Variants in PRKACB observed in about 807,000 individuals in gnomAD.
The protein encoded by PRKACB is protein kinase cAMP-activated catalytic subunit beta, also known as cAMP-dependent protein kinase catalytic subunit beta.
A neutral mutation model predicts 51.4 loss-of-function variants in PRKACB; 16 were observed. The observed-to-expected ratio is 0.31, with a 90% CI of 0.21 to 0.47. The LOEUF is 0.47. Ranked by LOEUF, PRKACB falls within the 20% of genes least tolerant of loss-of-function variation. The probability of loss-of-function intolerance (pLI) is 1.00; values close to 1 mark genes in which losing one functional copy is unlikely to be tolerated. For synonymous variants in PRKACB, 147 were observed against 154.4 expected (o/e 0.95, Z 0.35); for missense variants, 309 against 464.5 (o/e 0.67, Z 3.08).
chr1:84,118,254 C>G (rs1650789788), intron 1 of PRKACB, among the ~76,000 whole-genome samples: 1 of 152,064 alleles, frequency 6.6e-6, no homozygotes, highest in Non-Finnish European at 1.5e-5. Flanking sequence ...TCAAATGTTC[C>G]CTGTGTGTTC....
intron 1 of PRKACB, among the ~76,000 whole-genome samples, chr1:84,098,674 T>C (rs1164921359): frequency 1.3e-5 from 2 of 152,024 alleles, no homozygotes; most frequent in African/African-American, 2.4e-5. Flanking sequence ...GAACTTCAAA[T>C]CATAAAAAGT....
chr1:84,190,458 A>G (rs1467936501), intron 5 of PRKACB, among the ~76,000 whole-genome samples: 1 of 151,390 alleles, frequency 6.6e-6, no homozygotes, highest in East Asian at 2.0e-4. Context: ...AGCCAATTTT[A>G]TAGCCTGTTA....
chr1:84,113,264 G>A (rs1650376538), intron 1 of PRKACB, among the ~76,000 whole-genome samples: 1 of 152,128 alleles, frequency 6.6e-6, no homozygotes, highest in Admixed American at 6.6e-5. Context: ...GGTTGTATCA[G>A]TTAAAATGAA....
intron 8 of PRKACB, among the ~76,000 whole-genome samples, chr1:84,206,357 C>T (rs1358478097): frequency 6.6e-6 from 1 of 152,044 alleles, no homozygotes; most frequent in East Asian, 1.9e-4. Context: ...ATTGCTATTC[C>T]TTTCTGTCTC....
At chr1:84,094,426 A>G (rs909211420) in intron 1 of PRKACB, among the ~76,000 whole-genome samples, 1 of 151,906 alleles carries the variant, frequency 6.6e-6, no homozygotes. Context: ...GTAATAGTGA[A>G]TTTGGTTTGC....
At chr1:84,199,597 G>A (rs1347270756) in intron 7 of PRKACB, among the ~76,000 whole-genome samples, 1 of 152,108 alleles carries the variant, frequency 6.6e-6, no homozygotes, top group Non-Finnish European at 1.5e-5. Context: ...TTTGTGAATA[G>A]TGCCACAATG....
Position 84,131,217 on chromosome 1 carries a change from C to T in PRKACB, c.47-47960C>T, listed in dbSNP as rs1049474746. Among the ~76,000 whole-genome samples the T allele has an allele frequency of 8.6e-5, 13 of 151,896 alleles. No individual in the cohort carries two copies. In the South Asian group the frequency reaches 1.3e-3, roughly 15 times the overall value. On this transcript the variant is annotated intron_variant, in intron 1 of 8. Transcript: ENST00000370688. ...TACTAAAAATACAAAATTAGGTAGT[C>T]GTGGTGGCGCGTGCCTGAAATCCCA...
chr1:84,234,652 A>G (rs1334830549), intron 9 of PRKACB, among the ~76,000 whole-genome samples: 1 of 152,218 alleles, frequency 6.6e-6, no homozygotes, highest in Non-Finnish European at 1.5e-5. Flanking sequence ...AAAGCGCAGT[A>G]TTCGGGTGGG....
chr1:84,090,369 T>G (rs1648362201), intron 1 of PRKACB, among the ~76,000 whole-genome samples: 1 of 152,204 alleles, frequency 6.6e-6, no homozygotes, highest in Non-Finnish European at 1.5e-5. Context: ...TCTGTTATAT[T>G]TATCTATTGT....
chr1:84,221,110 A>G lies in PRKACB; in HGVS notation c.1071+6793A>G, dbSNP rs577528365. 5.4e-4 allele frequency among the ~76,000 whole-genome samples: 82 copies of G among 152,116 alleles called. 1 individual carries two copies. The South Asian group carries it at 0.017, about 31-fold the overall frequency. The stretch of plus-strand genomic sequence containing the variant: ...TGTTTGATGGGAATCTTTTTATTAC[A>G]TATTCAATCTGTTCCCCATTATTGG... On this transcript the variant is annotated intron_variant, in intron 9 of 9. Coordinates refer to ENST00000370685, the MANE Select transcript of PRKACB (RefSeq NM_182948.4).
intron 1 of PRKACB, among the ~76,000 whole-genome samples, chr1:84,131,517 ACT>A: frequency 6.6e-6 from 1 of 151,932 alleles, no homozygotes; most frequent in East Asian, 1.9e-4. Context: ...GAGAGAAGAG[ACT>A]CCATTTTCAG....
chr1:84,223,914 A>G (rs1167730781), intron 9 of PRKACB, among the ~76,000 whole-genome samples: 1 of 152,132 alleles, frequency 6.6e-6, no homozygotes, highest in African/African-American at 2.4e-5. Flanking sequence ...TTGTATACTT[A>G]CATTGACATC....
chr1:84,194,179 A>G (rs763559493), intron 5 of PRKACB, among the ~76,000 whole-genome samples: 1 of 152,164 alleles, frequency 6.6e-6, no homozygotes, highest in Non-Finnish European at 1.5e-5. Flanking sequence ...AGTTTACACT[A>G]AAGTACCACA....
intron 8 of PRKACB, among the ~76,000 whole-genome samples, chr1:84,213,746 T>G (rs1672471525): frequency 6.6e-6 from 1 of 152,252 alleles, no homozygotes; most frequent in African/African-American, 2.4e-5. Context: ...TTCCTTCATA[T>G]GCTGGTTCTT....
In PRKACB at chr1:84,207,714, A is replaced by G. The variant is rs560600395; in HGVS notation, c.906+4909A>G. Reference sequence around the variant, plus strand: ...ATCCTGATTCATAAAAGATAATGTTACTAGTTAAATGATCATTTCTCCTGC... The same window carrying G: ...ATCCTGATTCATAAAAGATAATGTTGCTAGTTAAATGATCATTTCTCCTGC... On this transcript the variant is annotated intron_variant, in intron 8 of 9. Coordinates refer to ENST00000370685, the MANE Select transcript of PRKACB (RefSeq NM_182948.4). Among the ~76,000 whole-genome samples, 18 of 152,326 alleles carry G rather than the reference A, an allele frequency of 1.2e-4. 1 individual carries two copies. Among genetic ancestry groups the G allele is most frequent in the Admixed American group, 7.8e-4 (12 of 15,302 alleles).
intron 5 of PRKACB, among the ~76,000 whole-genome samples, chr1:84,186,927 G>A (rs982671860): frequency 6.6e-6 from 1 of 152,158 alleles, no homozygotes; most frequent in Non-Finnish European, 1.5e-5. Context: ...TTGGGCTAAC[G>A]TTATTCTGTT....
chr1:84,192,929 GT>G (rs1226597873), intron 5 of PRKACB, among the ~76,000 whole-genome samples: 4 of 152,056 alleles, frequency 2.6e-5, no homozygotes, highest in African/African-American at 9.7e-5. Flanking sequence ...CTAAACACAG[GT>G]GCTGAATACA....
At chr1:84,224,374 G>C (rs2101644925) in intron 9 of PRKACB, among the ~76,000 whole-genome samples, 1 of 152,360 alleles carries the variant, frequency 6.6e-6, no homozygotes, top group African/African-American at 2.4e-5. Context: ...TGTGCAGCAT[G>C]TGTGGCATAA....
chr1:84,099,453 G>C (rs1649171154), intron 1 of PRKACB, among the ~76,000 whole-genome samples: 1 of 151,852 alleles, frequency 6.6e-6, no homozygotes, highest in Non-Finnish European at 1.5e-5. Flanking sequence ...TGTTTGAATG[G>C]TTAAATGAGA....
Sources: allele counts gnomAD v4.1 joint callset (sites outside exome capture counted in the v4.1 genomes callset), GRCh38; gene constraint gnomAD v4.1.1; transcripts MANE v1.5; gene names NCBI Gene and HGNC (gene_info 2026-07-23, HGNC 2026-07-21).